The following MID1 variants were observed in gnomAD, a reference collection of about 807,000 sequenced individuals.
MID1 encodes the protein E3 ubiquitin-protein ligase Midline-1.
In MID1, 7 loss-of-function variants were observed where a neutral mutation model predicts 40.4. The observed-to-expected ratio is 0.17, with a 90% CI of 0.10 to 0.33. The LOEUF is 0.33. MID1 is among the 10% of genes least tolerant of loss of function. The probability of loss-of-function intolerance (pLI) is 1.00; values close to 1 mark genes in which losing one functional copy is unlikely to be tolerated. For synonymous variants in MID1, 229 were observed against 221.2 expected, an observed-to-expected ratio of 1.04 and a Z score of -0.31; for missense variants, 367 against 558.5, an observed-to-expected ratio of 0.66 and a Z score of 3.46.
chrX:10,585,627 T>C (rs1472364319), intron 1 of MID1, among the ~76,000 whole-genome samples: 13 of 110,883 alleles, frequency 1.2e-4, no homozygotes, highest in Non-Finnish European at 2.4e-4. Flanking sequence ...TTCCTCTTTT[T>C]TCTAGTGAGG....
At position 10,530,502 on chromosome X, in the gene MID1, T is replaced by C. The variant is rs144930079; in HGVS notation, c.661-7315A>G. On this transcript the variant is annotated intron_variant, in intron 2 of 9. Transcript: ENST00000317552. ...TATAAAACATGTGTTGCTTAAAGAA[T>C]GAGGCTTCCTTACATACTTTATGCA... Among the ~76,000 whole-genome samples the C allele has an allele frequency of 3.5e-4, 39 of 112,787 alleles. No individual in the cohort carries two copies. The East Asian group carries it at 0.01, about 30-fold the overall frequency.
At chrX:10,597,679 CAG>C (rs749366206) in intron 1 of MID1, among the ~76,000 whole-genome samples, 43 of 112,083 alleles carry the variant, frequency 3.8e-4, no homozygotes, top group African/African-American at 8.4e-4. Context: ...CTCCTTGTGA[CAG>C]GGGGTTGAAA....
intron 1 of MID1, chrX:10,589,997 C>T (rs1267923770): frequency 9.0e-6 from 1 of 110,598 alleles, no homozygotes; most frequent in South Asian, 4.1e-4. Context: ...TAAGGGCTCA[C>T]AACTCTAAGG....
intron 5 of MID1, among the ~76,000 whole-genome samples, chrX:10,475,976 C>T (rs1231168042): frequency 2.7e-5 from 3 of 111,273 alleles, no homozygotes; most frequent in African/African-American, 9.8e-5. Context: ...TGTAATATAT[C>T]TTGGCTCTAA....
At chrX:10,716,624 G>C (rs1476283852) in intron 1 of MID1, among the ~76,000 whole-genome samples, 1 of 111,780 alleles carries the variant, frequency 8.9e-6, no homozygotes, top group African/African-American at 3.3e-5. Flanking sequence ...CACTCTGCAG[G>C]ATATTATCCA....
chrX:10,523,594 A>G (rs1932774749), intron 2 of MID1, among the ~76,000 whole-genome samples: 1 of 112,322 alleles, frequency 8.9e-6, no homozygotes, highest in African/African-American at 3.2e-5. Context: ...TTATCCTTTT[A>G]TGGGCAGGCT....
At chrX:10,627,171 G>T (rs1346371376) in intron 1 of MID1, among the ~76,000 whole-genome samples, 12 of 111,956 alleles carry the variant, frequency 1.1e-4, no homozygotes, top group Non-Finnish European at 1.5e-4. Context: ...TCAATTTCTT[G>T]TCCTTAAAGT....
intron 1 of MID1, among the ~76,000 whole-genome samples, chrX:10,594,358 T>C (rs1935372343): frequency 8.9e-6 from 1 of 111,747 alleles, no homozygotes; most frequent in South Asian, 3.8e-4. Flanking sequence ...CACCAAGCCT[T>C]GCCCTGAAGA....
At chrX:10,735,810 C>A (rs978020839) in intron 1 of MID1, among the ~76,000 whole-genome samples, 12 of 111,642 alleles carry the variant, frequency 1.1e-4, no homozygotes, top group Non-Finnish European at 1.7e-4. Flanking sequence ...CCCTCTCAGC[C>A]TCCTGAGTAG....
chrX:10,764,374 T>C (rs1170301660), intron 1 of MID1, among the ~76,000 whole-genome samples: 1 of 111,665 alleles, frequency 9.0e-6, no homozygotes, highest in Non-Finnish European at 1.9e-5. Flanking sequence ...CAGTTTCAGG[T>C]TTCTACATAC....
chrX:10,616,914 G>C (rs1396020016), intron 1 of MID1, among the ~76,000 whole-genome samples: 1 of 112,619 alleles, frequency 8.9e-6, no homozygotes, highest in Admixed American at 9.4e-5. Flanking sequence ...GTTAGTTACT[G>C]TATCTTTCTA....
rs901880967 is a variant in MID1, at chrX:10,830,820, A to T, written c.-187+2734T>A. ...TAGAATAGCACACACACATACACAC[A>T]TTATAGAACACATCATTAAATTCTT... On this transcript the variant is annotated intron_variant, in intron 1 of 10. Coordinates refer to the MID1 transcript ENST00000380785. Among the ~76,000 whole-genome samples the T allele has an allele frequency of 2.7e-5, 3 of 112,344 alleles. No homozygotes were observed. The East Asian group carries it at 8.4e-4, about 32-fold the overall frequency.
At chrX:10,639,445 G>A (rs775523208) in intron 1 of MID1, among the ~76,000 whole-genome samples, 6 of 111,758 alleles carry the variant, frequency 5.4e-5, no homozygotes, top group Non-Finnish European at 1.1e-4. Context: ...GAAATGAAGC[G>A]AAAAGAGAAC....
intron 1 of MID1, among the ~76,000 whole-genome samples, chrX:10,832,737 AT>A (rs1211523299): frequency 8.9e-6 from 1 of 111,788 alleles, no homozygotes; most frequent in Middle Eastern, 4.6e-3. Flanking sequence ...CAGCTGAAAC[AT>A]TTTTTTTCCT....
chrX:10,528,145 A>G (rs1569086392), intron 2 of MID1, among the ~76,000 whole-genome samples: 1 of 110,992 alleles, frequency 9.0e-6, no homozygotes, highest in African/African-American at 3.3e-5. Context: ...CAGGCTGTAG[A>G]TCAGCAGTAT....
At chrX:10,468,724 C>G (rs902946155) in intron 7 of MID1, among the ~76,000 whole-genome samples, 1 of 111,191 alleles carries the variant, frequency 9.0e-6, no homozygotes, top group Non-Finnish European at 1.9e-5. Flanking sequence ...ATCTCTGATG[C>G]CAGATATCAA....
chrX:10,652,114 T>C (rs1185348271), intron 1 of MID1, among the ~76,000 whole-genome samples: 1 of 112,174 alleles, frequency 8.9e-6, no homozygotes, highest in East Asian at 2.8e-4. Flanking sequence ...TAAGCTACAT[T>C]TTCTTCCTTT....
At chrX:10,674,026 GA>G (rs1233397644) in intron 1 of MID1, among the ~76,000 whole-genome samples, 1 of 111,502 alleles carries the variant, frequency 9.0e-6, no homozygotes, top group African/African-American at 3.3e-5. Context: ...TCATCTAACA[GA>G]AAAAACTAAT....
At chrX:10,451,751 T>C (rs1251790204) in intron 9 of MID1, among the ~76,000 whole-genome samples, 3 of 111,645 alleles carry the variant, frequency 2.7e-5, no homozygotes, top group Non-Finnish European at 5.6e-5. Flanking sequence ...TCTTTTTGCC[T>C]GCTGCCATCC....
Sources: gnomAD v4.1 joint callset for allele counts (sites outside exome capture counted in the v4.1 genomes callset) on GRCh38, gnomAD v4.1.1 for gene constraint, MANE v1.5 for transcripts, NCBI Gene and HGNC (gene_info 2026-07-23, HGNC 2026-07-21) for gene names.